The following ERBIN variants were observed in gnomAD, a reference collection of about 807,000 sequenced individuals.
The protein encoded by ERBIN is densin-180-like protein.
Under a neutral mutation model 158.4 loss-of-function variants are expected in ERBIN, and 60 were observed. The ratio of observed to expected loss-of-function variants is 0.38; its 90% confidence interval spans 0.31 to 0.47. The LOEUF (loss-of-function observed/expected upper bound fraction) is 0.47, where lower values mean the gene tolerates loss of function less well. ERBIN is among the 20% of genes least tolerant of loss of function. ERBIN has a pLI of 0.99. For synonymous variants in ERBIN, 594 were observed against 557.2 expected, an observed-to-expected ratio of 1.07 and a Z score of -0.93; for missense variants, 1,610 against 1,648.0, an observed-to-expected ratio of 0.98 and a Z score of 0.40.
chr5:66,056,538 C>T (rs750290760), intron 21 of ERBIN, among the ~76,000 whole-genome samples: 32 of 151,640 alleles, frequency 2.1e-4, no homozygotes, highest in African/African-American at 6.3e-4. Context: ...TGTGCCAATC[C>T]GCTTTTTTTT....
chr5:66,014,756 T>TAATTTA, intron 7 of ERBIN, 31 bp downstream of exon 7: 1 of 1,096,332 alleles, frequency 9.1e-7, no homozygotes, highest in Non-Finnish European at 1.3e-6. Context: ...TTAAAAAACT[T>TAATTTA]AATTTATAAT....
At chr5:66,065,991 A>AT (rs1264755291) in intron 21 of ERBIN, among the ~76,000 whole-genome samples, 1 of 152,138 alleles carries the variant, frequency 6.6e-6, no homozygotes, top group African/African-American at 2.4e-5. Flanking sequence ...TTGAAGCATA[A>AT]TTTGAGTAAT....
intron 1 of ERBIN, among the ~76,000 whole-genome samples, chr5:65,986,670 T>C (rs1289533853): frequency 1.3e-5 from 2 of 152,244 alleles, no homozygotes; most frequent in African/African-American, 4.8e-5. Flanking sequence ...GCTGTCTCAC[T>C]TTGGAATGTG....
intron 4 of ERBIN, among the ~76,000 whole-genome samples, chr5:66,004,287 G>A (rs1343831058): frequency 6.6e-6 from 1 of 152,062 alleles, no homozygotes; most frequent in Non-Finnish European, 1.5e-5. Context: ...CAAAGAAGAA[G>A]CATTATTTAT....
intron 15 of ERBIN, among the ~76,000 whole-genome samples, chr5:66,039,551 A>G (rs1213663643): frequency 6.6e-6 from 1 of 152,040 alleles, no homozygotes; most frequent in Non-Finnish European, 1.5e-5. Context: ...GATGCATTCA[A>G]GTATTTGCTG....
At chr5:66,004,723 G>A (rs1753402233) in intron 4 of ERBIN, among the ~76,000 whole-genome samples, 1 of 152,196 alleles carries the variant, frequency 6.6e-6, no homozygotes, top group Admixed American at 6.5e-5. Context: ...TTATCTGTAA[G>A]GATAAAATGA....
intron 4 of ERBIN, among the ~76,000 whole-genome samples, chr5:65,998,917 AAAT>A (rs1405372862): frequency 8.0e-5 from 12 of 150,488 alleles, no homozygotes; most frequent in African/African-American, 2.5e-4. Context: ...AAAAAAAAAA[AAAT>A]TATGCCCAAA....
chr5:65,998,322 T>A (rs957724939), intron 4 of ERBIN, among the ~76,000 whole-genome samples: 44 of 151,010 alleles, frequency 2.9e-4, no homozygotes, highest in African/African-American at 1.0e-3. Flanking sequence ...ATGTATGTTT[T>A]ATAGGATTAT....
intron 22 of ERBIN, among the ~76,000 whole-genome samples, chr5:66,073,982 G>A (rs1157812608): frequency 6.6e-6 from 1 of 150,576 alleles, no homozygotes; most frequent in East Asian, 2.0e-4. Context: ...GGGCTCAAAT[G>A]ATCCTCCTAC....
intron 1 of ERBIN, among the ~76,000 whole-genome samples, chr5:65,929,602 A>G (rs919650225): frequency 2.2e-4 from 31 of 139,900 alleles, no homozygotes; most frequent in African/African-American, 7.5e-4. Flanking sequence ...ATACATCTCT[A>G]TTATAAACCT....
At chr5:65,977,305 C>T (rs1404431824) in intron 1 of ERBIN, among the ~76,000 whole-genome samples, 2 of 150,864 alleles carry the variant, frequency 1.3e-5, no homozygotes, top group Non-Finnish European at 3.0e-5. Flanking sequence ...CTGACCCCCC[C>T]ACCTCCCTCC....
At chr5:66,056,990 G>T (rs1759651011) in intron 21 of ERBIN, among the ~76,000 whole-genome samples, 1 of 152,056 alleles carries the variant, frequency 6.6e-6, no homozygotes, top group African/African-American at 2.4e-5. Context: ...GCCTGTTTCA[G>T]TTCTTAAAAA....
intron 1 of ERBIN, among the ~76,000 whole-genome samples, chr5:65,986,925 C>CTT (rs1427714497): frequency 1.3e-5 from 2 of 152,128 alleles, no homozygotes; most frequent in African/African-American, 4.8e-5. Context: ...TTTTTTTCCT[C>CTT]TGTCAGTCTT....
chr5:65,952,114 C>T (rs867054780), intron 1 of ERBIN, among the ~76,000 whole-genome samples: 2 of 152,072 alleles, frequency 1.3e-5, no homozygotes, highest in South Asian at 2.1e-4. Flanking sequence ...TATAATTGAA[C>T]GGTATACCTG....
At chr5:65,954,342 CT>C (rs2034282366) in intron 1 of ERBIN, among the ~76,000 whole-genome samples, 1 of 152,106 alleles carries the variant, frequency 6.6e-6, no homozygotes, top group Non-Finnish European at 1.5e-5. Flanking sequence ...GAAAATTAGT[CT>C]TTTTAGTCTA....
intron 15 of ERBIN, among the ~76,000 whole-genome samples, chr5:66,038,951 GT>G (rs1561410280): frequency 6.6e-6 from 1 of 151,792 alleles, no homozygotes; most frequent in African/African-American, 2.4e-5. Context: ...GGGCACAGAT[GT>G]TTTTATAGAT....
At chr5:66,021,894 CTAAAAG>C (rs1755731802) in intron 8 of ERBIN, among the ~76,000 whole-genome samples, 1 of 151,750 alleles carries the variant, frequency 6.6e-6, no homozygotes, top group Non-Finnish European at 1.5e-5. Context: ...GAAGCTGACT[CTAAAAG>C]GAAAGGAGTA....
chr5:65,979,743 GAAAT>G (rs1394726958), intron 1 of ERBIN, among the ~76,000 whole-genome samples: 2 of 152,162 alleles, frequency 1.3e-5, no homozygotes, highest in Non-Finnish European at 2.9e-5. Context: ...TCTATGATAA[GAAAT>G]AAAGACAGAA....
At chr5:65,996,071 C>T (rs1752399467) in intron 4 of ERBIN, among the ~76,000 whole-genome samples, 1 of 152,056 alleles carries the variant, frequency 6.6e-6, no homozygotes, top group African/African-American at 2.4e-5. Context: ...TGTTTCTTCA[C>T]TCTGTTGTTT....
Sources: allele counts gnomAD v4.1 joint callset (sites outside exome capture counted in the v4.1 genomes callset), GRCh38; gene constraint gnomAD v4.1.1; transcripts MANE v1.5; gene names NCBI Gene and HGNC (gene_info 2026-07-23, HGNC 2026-07-21).